Variants in SUPT16H observed in about 807,000 individuals in gnomAD.
The protein encoded by SUPT16H is SPT16 homolog, facilitates chromatin remodeling subunit, also known as FACT complex subunit SPT16.
A neutral mutation model predicts 136.2 loss-of-function variants in SUPT16H; 24 were observed. The ratio of observed to expected loss-of-function variants is 0.18; its 90% CI spans 0.13 to 0.25. The LOEUF is 0.25. SUPT16H is among the 10% of genes least tolerant of loss of function. The pLI is 1.00. For synonymous variants in SUPT16H, 415 were observed against 428.2 expected (o/e 0.97, Z 0.38); for missense variants, 623 against 1,270.2 (o/e 0.49, Z 7.74).
rs181371300 is a variant in SUPT16H at position 21,352,871 on chromosome 14, T to C, written c.2999-53A>G. The C allele has an allele frequency of 1.3e-5, 21 of 1,611,382 alleles. No homozygotes were observed. In the East Asian group the frequency reaches 3.1e-4, roughly 24 times the overall value. On this transcript the variant is annotated intron_variant, in intron 25 of 25. Coordinates refer to ENST00000216297, the MANE Select transcript of SUPT16H (RefSeq NM_007192.4). ...CAATAGGTAAGCTTTAGGTACCTAA[T>C]ATTACTGGATAGCATGAGATAGTAC...
intron 22 of SUPT16H, among the ~76,000 whole-genome samples, chr14:21,355,513 TAAAAAAAAA>T (rs59639210): frequency 8.8e-6 from 1 of 113,614 alleles, no homozygotes; most frequent in Non-Finnish European, 1.8e-5. Context: ...ATAATAATAA[TAAAAAAAAA>T]AAAAAAAAAA....
chr14:21,379,602 C>G (rs11623599), intron 1 of SUPT16H, among the ~76,000 whole-genome samples: 122,457 of 151,974 alleles, frequency 0.81, 50,817 homozygotes, highest in South Asian at 0.91. Flanking sequence ...CCTGCAATCT[C>G]AGCACTTTGG....
intron 1 of SUPT16H, 40 bp downstream of exon 1, chr14:21,383,822 T>TA (rs754664179): frequency 9.3e-6 from 15 of 1,612,178 alleles, no homozygotes; most frequent in Non-Finnish European, 9.3e-6. Context: ...ATGGGATGGC[T>TA]AAGGGGGCTC....
chr14:21,382,140 G>A (rs1179279526), intron 1 of SUPT16H, among the ~76,000 whole-genome samples: 1 of 152,182 alleles, frequency 6.6e-6, no homozygotes, highest in African/African-American at 2.4e-5. Flanking sequence ...CTACAGGTGG[G>A]TTCTGGACAC....
At chr14:21,354,739 A>G (rs562703945) in intron 22 of SUPT16H, 199 bp from the exon 23 acceptor site, 12 of 451,976 alleles carry the variant, frequency 2.7e-5, no homozygotes, top group East Asian at 2.1e-4. Flanking sequence ...TTACAGGCGC[A>G]TGCCACCATG....
At chr14:21,383,207 TG>T (rs1887073201) in intron 1 of SUPT16H, 1 of 169,194 alleles carries the variant, frequency 5.9e-6, no homozygotes, top group South Asian at 1.9e-4. Context: ...AATGAACACG[TG>T]CCCCGGATAC....
chr14:21,359,976 G>C (rs1381420083), intron 18 of SUPT16H, among the ~76,000 whole-genome samples: 1 of 152,196 alleles, frequency 6.6e-6, no homozygotes, highest in Non-Finnish European at 1.5e-5. Flanking sequence ...GTGGCCTTTA[G>C]AGGCATTATT....
chr14:21,368,556 G>T, intron 6 of SUPT16H, 115 bp from the exon 7 acceptor site: 1 of 1,147,994 alleles, frequency 8.7e-7, no homozygotes, highest in Non-Finnish European at 1.2e-6. Context: ...CCAAAGCTGT[G>T]GCTGAATAAG....
chr14:21,357,147 T>C, intron 22 of SUPT16H, 50 bp downstream of exon 22: 2 of 1,469,582 alleles, frequency 1.4e-6, no homozygotes, highest in African/African-American at 1.4e-5. Flanking sequence ...TCAAATTCTA[T>C]AAAACAGGGC....
intron 23 of SUPT16H, 49 bp downstream of exon 23, chr14:21,354,362 G>T (rs1330777541): frequency 1.2e-6 from 2 of 1,602,924 alleles, no homozygotes; most frequent in Non-Finnish European, 1.7e-6. Context: ...CTGACCAAAT[G>T]ATAGCGGGCA....
chr14:21,362,455 C>T, intron 14 of SUPT16H, 131 bp from the exon 15 acceptor site: 1 of 892,862 alleles, frequency 1.1e-6, no homozygotes, highest in Non-Finnish European at 1.6e-6. Flanking sequence ...AATAAATTTA[C>T]ATAATTTATC....
chr14:21,352,900 G>T, intron 25 of SUPT16H, 82 bp from the exon 26 acceptor site: 1 of 1,575,308 alleles, frequency 6.3e-7, no homozygotes. Flanking sequence ...ATAGTACAGA[G>T]AATACACTTT....
chr14:21,379,234 G>A (rs942210453), intron 1 of SUPT16H, among the ~76,000 whole-genome samples: 1 of 152,044 alleles, frequency 6.6e-6, no homozygotes, highest in African/African-American at 2.4e-5. Flanking sequence ...CCAGGAGTTA[G>A]AGACCAGCCT....
intron 1 of SUPT16H, among the ~76,000 whole-genome samples, chr14:21,373,642 C>G (rs1053564991): frequency 6.6e-6 from 1 of 152,126 alleles, no homozygotes; most frequent in African/African-American, 2.4e-5. Context: ...TTTTCCTTAG[C>G]CCCCAGATCT....
chr14:21,370,144 G>T (rs895836370), intron 4 of SUPT16H, among the ~76,000 whole-genome samples, 192 bp downstream of exon 4: 1 of 152,024 alleles, frequency 6.6e-6, no homozygotes, highest in Admixed American at 6.6e-5. Flanking sequence ...CCCTCTAGAC[G>T]TTTTTTGTAA....
chr14:21,371,107 G>A lies in SUPT16H; in HGVS notation c.331-619C>T, dbSNP rs557506310. 6.4e-4 allele frequency among the ~76,000 whole-genome samples: 97 copies of A among 151,174 alleles called. 2 individuals carry two copies. Among genetic ancestry groups the A allele is most frequent in the South Asian group, 1.1e-3 (5 of 4,760 alleles). ...GCCCAGGCTCATCTGGAACTCCTGC[G>A]CTCAAGTGCTCGCCTCGGCCTCTCA... On this transcript the variant is annotated intron_variant, in intron 3 of 25. Transcript: ENST00000216297.
chr14:21,376,972 C>G (rs888513753), intron 1 of SUPT16H, among the ~76,000 whole-genome samples: 1 of 150,754 alleles, frequency 6.6e-6, no homozygotes, highest in East Asian at 2.0e-4. Flanking sequence ...ACTCGGGAGG[C>G]TGAGGCAGGA....
At chr14:21,368,748 A>C (rs576971262) in intron 6 of SUPT16H, among the ~76,000 whole-genome samples, 1 of 152,218 alleles carries the variant, frequency 6.6e-6, no homozygotes, top group Non-Finnish European at 1.5e-5. Context: ...GGTTGTGAGG[A>C]GTCACTTATC....
chr14:21,353,616 C>G (rs369247086), intron 24 of SUPT16H, 51 bp from the exon 25 acceptor site: 1 of 1,606,178 alleles, frequency 6.2e-7, no homozygotes, highest in South Asian at 1.1e-5. Context: ...CAGAATGGAA[C>G]GACAGAGTTC....
Sources: allele counts gnomAD v4.1 joint callset (sites outside exome capture counted in the v4.1 genomes callset), GRCh38; gene constraint gnomAD v4.1.1; transcripts MANE v1.5; gene names NCBI Gene and HGNC (gene_info 2026-07-23, HGNC 2026-07-21).